APOBEC3G: variants seen among roughly 807,000 people sequenced by gnomAD.
The protein encoded by APOBEC3G is apolipoprotein B mRNA editing enzyme catalytic subunit 3G, also known as DNA dC->dU-editing enzyme APOBEC-3G.
APOBEC3G carries 44 observed loss-of-function variants against 50.0 expected under a neutral mutation model. That is an observed-to-expected ratio of 0.88 (90% CI 0.69 to 1.13). The LOEUF (loss-of-function observed/expected upper bound fraction) is 1.13. Ranked by LOEUF, APOBEC3G falls within the 50% of genes most tolerant of loss-of-function variation. The pLI is 0.00. For synonymous variants in APOBEC3G, 156 were observed against 175.3 expected (o/e 0.89, Z 0.87); for missense variants, 469 against 492.0 (o/e 0.95, Z 0.44).
chr22:39,083,348 T>A (rs2294366), intron 4 of APOBEC3G: 107,644 of 161,580 alleles, frequency 0.67, 36,078 homozygotes, highest in East Asian at 0.73. Context: ...GCAGGAGGGG[T>A]GCCCCAGTGG....
chr22:39,083,726 TC>T lies in APOBEC3G; in HGVS notation c.582-3del, dbSNP rs2146298728. The T allele has an allele frequency of 6.2e-7, 1 of 1,613,602 alleles. No individual in the cohort carries two copies. Among genetic ancestry groups the T allele is most frequent in the East Asian group, 2.2e-5 (1 of 44,878 alleles). On this transcript the variant is annotated splice_polypyrimidine_tract_variant and splice_region_variant and intron_variant, in intron 4 of 7. Transcript: ENST00000407997. ...ACTCCTCTGGGCTTTTCCCCCACTT[TC>T]CAGACACTCGATGGATCCACCCACA...
chr22:39,081,245 C>A lies in APOBEC3G; in HGVS notation c.466+18C>A, dbSNP rs1462874347. On this transcript the variant is annotated intron_variant, in intron 3 of 7. Transcript: ENST00000407997. Reference sequence around the variant, plus strand: ...TTATGACGGTGAGAAGTGGGAGGTTCAGGGGTGTGGGAGAGACTGCTTAAG... The same window carrying A: ...TTATGACGGTGAGAAGTGGGAGGTTAAGGGGTGTGGGAGAGACTGCTTAAG... The A allele has an allele frequency of 1.2e-6, 2 of 1,611,734 alleles. No individual in the cohort carries two copies. The highest frequency in any genetic ancestry group is 1.7e-6 in the Non-Finnish European group (2 of 1,178,764).
chr22:39,079,339 C>CA, intron 2 of APOBEC3G: 1 of 453,846 alleles, frequency 2.2e-6, no homozygotes, highest in South Asian at 3.1e-5. Flanking sequence ...TTTTTTGAGA[C>CA]AGAGTTTCAC....
At chr22:39,081,682 C>A in intron 4 of APOBEC3G, 97 bp downstream of exon 4, 1 of 982,232 alleles carries the variant, frequency 1.0e-6, no homozygotes, top group Non-Finnish European at 1.6e-6. Flanking sequence ...CCTCTCCTGG[C>A]CAGGCCCTCC....
intron 5 of APOBEC3G, 50 bp from the exon 6 acceptor site, chr22:39,086,227 ACT>A: frequency 6.6e-7 from 1 of 1,519,714 alleles, no homozygotes; most frequent in South Asian, 1.3e-5. Context: ...CAAGAGTGAA[ACT>A]CTGTCTCAAA....
At chr22:39,085,862 G>C (rs1379655161) in intron 5 of APOBEC3G, among the ~76,000 whole-genome samples, 2 of 152,154 alleles carry the variant, frequency 1.3e-5, no homozygotes, top group Admixed American at 1.3e-4. Flanking sequence ...ACTCCAGCCT[G>C]AGTGACAGAA....
chr22:39,078,224 A>G (rs1420672647), intron 1 of APOBEC3G, among the ~76,000 whole-genome samples: 2 of 152,060 alleles, frequency 1.3e-5, no homozygotes, highest in Non-Finnish European at 2.9e-5. Context: ...GCCCCATTGC[A>G]CTCCAGCCTG....
chr22:39,079,372 C>T (rs2146292742), intron 2 of APOBEC3G: 1 of 322,434 alleles, frequency 3.1e-6, no homozygotes, highest in Non-Finnish European at 5.7e-6. Context: ...GGCTGGAGTG[C>T]AATGACGCGA....
In APOBEC3G at chr22:39,086,336, G is replaced by T. The variant is rs745373498; in HGVS notation, c.793G>T (p.Val265Leu). The T allele has an allele frequency of 1.1e-5, 18 of 1,613,584 alleles. No homozygotes were observed. The highest frequency in any genetic ancestry group is 6.8e-6 in the Non-Finnish European group (8 of 1,179,612). The change falls in exon 6 of 8, where the codon GTG becomes TTG. Residue 265 changes from valine to leucine, a missense_variant. By Grantham distance (32) the Val-to-Leu change is conservative. Transcript: ENST00000407997. Reference sequence around the variant, plus strand: ...CCATGCAGAGCTGTGCTTCCTGGACGTGATTCCCTTTTGGAAGCTGGACCT... The same window carrying T: ...CCATGCAGAGCTGTGCTTCCTGGACTTGATTCCCTTTTGGAAGCTGGACCT... ...GRHAELCFLDVIPFWKLDLDQ... is the reference protein window; with the variant it reads ...GRHAELCFLDLIPFWKLDLDQ...
In APOBEC3G at chr22:39,078,522, T is replaced by A. The variant is rs553737865; in HGVS notation, c.18-410T>A. On this transcript the variant is annotated intron_variant, in intron 1 of 7. Coordinates refer to ENST00000407997, the MANE Select transcript of APOBEC3G (RefSeq NM_021822.4). ...TGGCCCCTCCTCTGTAAGACGGGAA[T>A]GGCCCCTGCCAGCCTAGGGCAGCCT... The A allele has an allele frequency of 5.3e-3, 882 of 166,024 alleles. 2 individuals are homozygous for A. The highest frequency in any genetic ancestry group is 9.6e-3 in the Admixed American group (162 of 16,794). The allele number at this position is 166,024 out of a possible 1,614,324, so 10.3% of individuals were successfully genotyped here.
At chr22:39,080,711 C>T (rs1928398039) in intron 2 of APOBEC3G, 1 of 556,886 alleles carries the variant, frequency 1.8e-6, no homozygotes. Context: ...AGCCTCATAG[C>T]TGCTTGTAGG....
In APOBEC3G at chr22:39,083,716, T is replaced by C. The variant is rs1269590772; in HGVS notation, c.582-15T>C. 6.2e-7 allele frequency: 1 copy of C among 1,612,734 alleles called. No homozygotes were observed. The highest frequency in any genetic ancestry group is 8.5e-7 in the Non-Finnish European group (1 of 1,179,260). On this transcript the variant is annotated splice_polypyrimidine_tract_variant and intron_variant, in intron 4 of 7. Transcript: ENST00000407997. ...GAGGGCTCTTACTCCTCTGGGCTTT[T>C]CCCCCACTTTCCAGACACTCGATGG... is the stretch of plus-strand genomic sequence containing the variant.
At chr22:39,085,427 T>A (rs1928650680) in intron 5 of APOBEC3G, among the ~76,000 whole-genome samples, 1 of 152,184 alleles carries the variant, frequency 6.6e-6, no homozygotes, top group East Asian at 1.9e-4. Context: ...CGCAGCTCAG[T>A]GGCATCTGTC....
chr22:39,086,222 G>C (rs1928681741), intron 5 of APOBEC3G, 57 bp from the exon 6 acceptor site: 1 of 1,516,870 alleles, frequency 6.6e-7, no homozygotes, highest in East Asian at 2.3e-5. Context: ...GGCAACAAGA[G>C]TGAAACTCTG....
At chr22:39,087,306 C>T in intron 7 of APOBEC3G, 101 bp from the exon 8 acceptor site, 2 of 1,600,562 alleles carry the variant, frequency 1.2e-6, no homozygotes, top group South Asian at 1.1e-5. Flanking sequence ...TCCCACATCC[C>T]TCCCTCCTCT....
At chr22:39,084,833 C>A (rs1928624695) in intron 5 of APOBEC3G, among the ~76,000 whole-genome samples, 1 of 152,246 alleles carries the variant, frequency 6.6e-6, no homozygotes, top group Non-Finnish European at 1.5e-5. Context: ...GGCCGAGGGG[C>A]CCTGAGCCCG....
chr22:39,081,016 G>T lies in APOBEC3G; in HGVS notation c.255G>T (p.Glu85Asp), dbSNP rs761502799. ...GGAGGAAGCTGCATCGTGACCAGGAGTATGAGGTCACCTGGTACATATCCT... is the reference window on the plus strand; with the variant it reads ...GGAGGAAGCTGCATCGTGACCAGGATTATGAGGTCACCTGGTACATATCCT... ...SKWRKLHRDQ[E>D]YEVTWYISWS... Residue 85 changes from glutamate to aspartate, a missense_variant, in exon 3 of 8, where the codon GAG becomes GAT. By Grantham distance (45) the Glu-to-Asp change is conservative. Coordinates refer to ENST00000407997, the MANE Select transcript of APOBEC3G (RefSeq NM_021822.4). 1.2e-6 allele frequency: 2 copies of T among 1,614,166 alleles called. No homozygotes were observed. Among genetic ancestry groups the T allele is most frequent in the Non-Finnish European group, 1.7e-6 (2 of 1,180,038 alleles).
In APOBEC3G at chr22:39,080,295, C is replaced by G. The variant is rs575597538; in HGVS notation, c.172-638C>G. The G allele has an allele frequency of 3.3e-5, 19 of 577,416 alleles. 1 individual carries two copies. The East Asian group carries it at 1.5e-3, about 45-fold the overall frequency. The allele number at this position is 577,416 out of a possible 1,614,324, so 35.8% of individuals were successfully genotyped here. On this transcript the variant is annotated intron_variant, in intron 2 of 7. Coordinates refer to ENST00000407997, the MANE Select transcript of APOBEC3G (RefSeq NM_021822.4). ...TGGATGCTAGAATTCACACACGAGG[C>G]CATGAACAGGGCTGGGAAAACTTCC... is the stretch of plus-strand genomic sequence containing the variant.
intron 5 of APOBEC3G, 60 bp downstream of exon 5, chr22:39,083,944 G>T: frequency 1.3e-6 from 2 of 1,580,132 alleles, no homozygotes. Context: ...ACACCCATGG[G>T]CAGAAGGTTC....
Sources: gnomAD v4.1 joint callset for allele counts (sites outside exome capture counted in the v4.1 genomes callset) on GRCh38, gnomAD v4.1.1 for gene constraint, MANE v1.5 for transcripts, NCBI Gene and HGNC (gene_info 2026-07-23, HGNC 2026-07-21) for gene names.